The following COG5 variants were observed in gnomAD, a reference collection of about 807,000 sequenced individuals.
COG5 encodes component of oligomeric golgi complex 5, also known as conserved oligomeric Golgi complex subunit 5.
In COG5, 86 loss-of-function variants were observed where a neutral mutation model predicts 110.4. That is an observed-to-expected ratio of 0.78 (90% CI 0.65 to 0.93). COG5 has a LOEUF of 0.93. COG5 is among the 40% of genes least tolerant of loss of function. The pLI is 0.00. For missense variants in COG5, 1,077 were observed against 987.0 expected (o/e 1.09, Z -1.22); for synonymous variants, 360 against 334.6 (o/e 1.08, Z -0.83).
chr7:107,415,532 AT>A (rs1309863860), intron 6 of COG5, among the ~76,000 whole-genome samples: 2 of 151,990 alleles, frequency 1.3e-5, no homozygotes, highest in Non-Finnish European at 2.9e-5. Flanking sequence ...AAAAATTAAA[AT>A]AAGGTGGCTA....
intron 6 of COG5, among the ~76,000 whole-genome samples, chr7:107,510,253 C>T (rs1478225841): frequency 6.6e-6 from 1 of 151,986 alleles, no homozygotes; most frequent in South Asian, 2.1e-4. Flanking sequence ...CAATCCTAGT[C>T]TCTGATAAAA....
chr7:107,516,378 T>C (rs1799924303), intron 6 of COG5, among the ~76,000 whole-genome samples: 1 of 152,250 alleles, frequency 6.6e-6, no homozygotes, highest in African/African-American at 2.4e-5. Context: ...CTCTATCAAA[T>C]ATACTTTGCA....
At chr7:107,479,938 A>T (rs528196337) in intron 6 of COG5, among the ~76,000 whole-genome samples, 4 of 152,168 alleles carry the variant, frequency 2.6e-5, no homozygotes, top group African/African-American at 7.2e-5. Flanking sequence ...GAAACACACA[A>T]ATGTCATCCT....
intron 6 of COG5, among the ~76,000 whole-genome samples, chr7:107,428,842 C>A (rs142460072): frequency 1.3e-4 from 20 of 152,246 alleles, no homozygotes; most frequent in Non-Finnish European, 1.9e-4. Flanking sequence ...CACTCACTGG[C>A]GTATTACTAG....
intron 5 of COG5, among the ~76,000 whole-genome samples, chr7:107,547,009 G>A (rs1383779960): frequency 2.6e-5 from 4 of 152,108 alleles, no homozygotes. Context: ...AGATGGAAAA[G>A]TATTTCCAAA....
intron 16 of COG5, among the ~76,000 whole-genome samples, chr7:107,253,781 G>A (rs1584577796): frequency 1.3e-5 from 2 of 152,072 alleles, no homozygotes; most frequent in African/African-American, 2.4e-5. Flanking sequence ...CCTCCTGGCT[G>A]TTCTGTGACT....
chr7:107,442,408 G>A (rs1794760108), intron 6 of COG5, among the ~76,000 whole-genome samples: 2 of 151,974 alleles, frequency 1.3e-5, no homozygotes, highest in African/African-American at 4.8e-5. Context: ...AGTAATGTGA[G>A]AACAGACTAA....
chr7:107,464,764 A>T (rs1217615577), intron 6 of COG5, among the ~76,000 whole-genome samples: 3 of 152,160 alleles, frequency 2.0e-5, no homozygotes, highest in Non-Finnish European at 2.9e-5. Flanking sequence ...TGCAGCAAGC[A>T]GTATGAGCAT....
intron 19 of COG5, among the ~76,000 whole-genome samples, chr7:107,226,379 A>C (rs1294427734): frequency 6.6e-6 from 1 of 152,182 alleles, no homozygotes; most frequent in Non-Finnish European, 1.5e-5. Flanking sequence ...AATAAGAGTA[A>C]GCTTTTCACT....
chr7:107,510,247 C>G (rs1753372932), intron 6 of COG5, among the ~76,000 whole-genome samples: 2 of 151,976 alleles, frequency 1.3e-5, no homozygotes, highest in Non-Finnish European at 1.5e-5. Context: ...GGGTTGCAAT[C>G]CTAGTCTCTG....
Position 107,485,090 on chromosome 7 carries a change from T to C in COG5, c.538+42147A>G, listed in dbSNP as rs148188322. 9.0e-3 allele frequency among the ~76,000 whole-genome samples: 1,365 copies of C among 152,280 alleles called. 18 individuals are homozygous for C. Among genetic ancestry groups the C allele is most frequent in the Middle Eastern group, 0.027 (8 of 294 alleles). ...CCTTCAGAAATACCTTCCATAAATA[T>C]TCTCTCTCAACAAAATTAGGGAAAA... On this transcript the variant is annotated intron_variant, in intron 6 of 21. Coordinates refer to ENST00000297135, the MANE Select transcript of COG5 (RefSeq NM_006348.5).
At chr7:107,215,214 A>G (rs929300342) in intron 19 of COG5, among the ~76,000 whole-genome samples, 1 of 152,186 alleles carries the variant, frequency 6.6e-6, no homozygotes, top group Non-Finnish European at 1.5e-5. Flanking sequence ...TCAGACCACA[A>G]AGGAGGACAG....
chr7:107,502,391 T>C (rs1315289274), intron 6 of COG5, among the ~76,000 whole-genome samples: 1 of 152,136 alleles, frequency 6.6e-6, no homozygotes, highest in African/African-American at 2.4e-5. Flanking sequence ...TATATACATA[T>C]ACATCACGTT....
intron 6 of COG5, among the ~76,000 whole-genome samples, chr7:107,517,391 G>T (rs1445664121): frequency 6.6e-6 from 1 of 152,138 alleles, no homozygotes; most frequent in East Asian, 1.9e-4. Context: ...GAAAGAGATG[G>T]GGTGAATGGA....
At chr7:107,482,130 GA>G (rs574996834) in intron 6 of COG5, among the ~76,000 whole-genome samples, 171 of 139,958 alleles carry the variant, frequency 1.2e-3, no homozygotes, top group African/African-American at 3.7e-3. Context: ...TTGCAGTCCT[GA>G]AAAAAAAATC....
At chr7:107,472,646 A>G (rs1232903918) in intron 6 of COG5, 16 of 151,938 alleles carry the variant, frequency 1.1e-4, no homozygotes, top group Admixed American at 9.9e-4. Context: ...ACTTACTCGA[A>G]TAAATATACC....
At chr7:107,546,593 C>T (rs1162487289) in intron 5 of COG5, among the ~76,000 whole-genome samples, 1 of 151,076 alleles carries the variant, frequency 6.6e-6, no homozygotes, top group Non-Finnish European at 1.5e-5. Context: ...GTCACCATGC[C>T]TTGCTATAAG....
chr7:107,271,594 C>A (rs1399501666), intron 14 of COG5, among the ~76,000 whole-genome samples: 3 of 151,942 alleles, frequency 2.0e-5, no homozygotes, highest in Non-Finnish European at 4.4e-5. Flanking sequence ...AAAGTAAATT[C>A]TATTTTCTGT....
intron 7 of COG5, among the ~76,000 whole-genome samples, chr7:107,399,561 A>G (rs1791274035): frequency 6.6e-6 from 1 of 152,166 alleles, no homozygotes; most frequent in South Asian, 2.1e-4. Flanking sequence ...CCCTTCTGCC[A>G]TGATTATACG....
Sources: allele counts gnomAD v4.1 joint callset (sites outside exome capture counted in the v4.1 genomes callset), GRCh38; gene constraint gnomAD v4.1.1; transcripts MANE v1.5; gene names NCBI Gene and HGNC (gene_info 2026-07-23, HGNC 2026-07-21).